Variants in NKAIN3 observed in about 807,000 individuals in gnomAD.
NKAIN3 encodes sodium/potassium transporting ATPase interacting 3.
NKAIN3 carries 25 observed loss-of-function variants against 30.2 expected under a neutral mutation model. The ratio of observed to expected loss-of-function variants is 0.83; its 90% CI spans 0.60 to 1.16. The LOEUF is 1.16. NKAIN3 is among the 50% of genes most tolerant of loss of function. The pLI, the probability that NKAIN3 is intolerant of heterozygous loss-of-function variation, is 0.00. For synonymous variants in NKAIN3, 91 were observed against 89.6 expected (o/e 1.02, Z -0.09); for missense variants, 225 against 254.1 (o/e 0.89, Z 0.78).
intron 4 of NKAIN3, among the ~76,000 whole-genome samples, chr8:62,797,671 A>T (rs906149391): frequency 1.3e-5 from 2 of 152,176 alleles, no homozygotes; most frequent in African/African-American, 4.8e-5. Context: ...TGTCTAAACA[A>T]GGTAAAAACA....
At chr8:62,550,349 A>G (rs1273796549) in intron 1 of NKAIN3, among the ~76,000 whole-genome samples, 1 of 152,038 alleles carries the variant, frequency 6.6e-6, no homozygotes, top group Non-Finnish European at 1.5e-5. Context: ...GAGACTTATC[A>G]CCCTTACTAG....
intron 1 of NKAIN3, among the ~76,000 whole-genome samples, chr8:62,340,535 A>G (rs1234612403): frequency 6.6e-6 from 1 of 152,048 alleles, no homozygotes; most frequent in Non-Finnish European, 1.5e-5. Context: ...AGGCCCTGCC[A>G]ATCCCTTTCA....
At position 62,971,819 on chromosome 8, in the gene NKAIN3, T is replaced by C. The variant is rs1004796606; in HGVS notation, c.*6412T>C. Among the ~76,000 whole-genome samples, 1 of 152,208 alleles carries C rather than the reference T, an allele frequency of 6.6e-6. No homozygotes were observed. Among genetic ancestry groups the C allele is most frequent in the African/African-American group, 2.4e-5 (1 of 41,450 alleles). On this transcript the variant is annotated 3_prime_UTR_variant, in exon 7 of 7. Coordinates refer to ENST00000623646, the MANE Select transcript of NKAIN3 (RefSeq NM_001304533.3). ...ATATATTCTTCAGTACTGTGAGAGA[T>C]TTAATCATCAAGTATGTGAAATGAG...
At chr8:62,756,030 G>T (rs913940603) in intron 4 of NKAIN3, among the ~76,000 whole-genome samples, 1 of 152,116 alleles carries the variant, frequency 6.6e-6, no homozygotes, top group Non-Finnish European at 1.5e-5. Flanking sequence ...CTTTGTATTT[G>T]TGTCTATGCA....
chr8:62,640,541 A>G (rs1025957389), intron 3 of NKAIN3, among the ~76,000 whole-genome samples: 6 of 152,108 alleles, frequency 3.9e-5, no homozygotes, highest in Non-Finnish European at 5.9e-5. Flanking sequence ...GTATCTCATA[A>G]AGATTTGTGA....
In NKAIN3 at chr8:62,355,328, A is replaced by G. The variant is rs144108792; in HGVS notation, c.54+106201A>G. ...CTTTGAAATCTTCATAATAAGATTCATGAAGTCAAGACAGTTTATGCTGTT... is the reference window on the plus strand; with the variant it reads ...CTTTGAAATCTTCATAATAAGATTCGTGAAGTCAAGACAGTTTATGCTGTT... On this transcript the variant is annotated intron_variant, in intron 1 of 6. Transcript: ENST00000623646. Among the ~76,000 whole-genome samples, 159 of 152,332 alleles carry G rather than the reference A, an allele frequency of 1.0e-3. 1 individual carries two copies. Among genetic ancestry groups the G allele is most frequent in the African/African-American group, 3.8e-3 (156 of 41,584 alleles).
chr8:62,539,762 G>A (rs891513279), intron 1 of NKAIN3, among the ~76,000 whole-genome samples: 8 of 152,060 alleles, frequency 5.3e-5, no homozygotes, highest in African/African-American at 1.9e-4. Flanking sequence ...GCTAATTTTA[G>A]TAGAGACAAG....
At chr8:62,954,420 A>C (rs973373818) in intron 6 of NKAIN3, among the ~76,000 whole-genome samples, 1 of 152,130 alleles carries the variant, frequency 6.6e-6, no homozygotes, top group Non-Finnish European at 1.5e-5. Flanking sequence ...GGGGAAATAG[A>C]TTAAATTGGA....
chr8:62,831,303 C>CT (rs1158960025), intron 4 of NKAIN3, among the ~76,000 whole-genome samples: 6 of 152,158 alleles, frequency 3.9e-5, no homozygotes, highest in African/African-American at 1.4e-4. Context: ...ACGGAACCAG[C>CT]ACAAGAATTA....
At chr8:62,464,816 A>G (rs1325993158) in intron 1 of NKAIN3, among the ~76,000 whole-genome samples, 1 of 152,180 alleles carries the variant, frequency 6.6e-6, no homozygotes, top group Non-Finnish European at 1.5e-5. Context: ...TGTATCATTC[A>G]ATTATTTGCA....
chr8:62,267,781 C>A (rs371662771), intron 1 of NKAIN3, among the ~76,000 whole-genome samples: 2 of 152,282 alleles, frequency 1.3e-5, no homozygotes, highest in South Asian at 4.1e-4. Flanking sequence ...ACTTGTGCTA[C>A]TGAAAATATG....
intron 3 of NKAIN3, among the ~76,000 whole-genome samples, chr8:62,705,976 T>C (rs1036999063): frequency 1.3e-5 from 2 of 152,182 alleles, no homozygotes; most frequent in Admixed American, 6.5e-5. Flanking sequence ...ATTTAAAGCC[T>C]GATTGCTCCT....
chr8:62,863,890 A>T, intron 4 of NKAIN3: 1 of 1,396,034 alleles, frequency 7.2e-7, no homozygotes, highest in Non-Finnish European at 1.0e-6. Context: ...CCTCTTGCTC[A>T]TCATCTGATC....
intron 4 of NKAIN3, among the ~76,000 whole-genome samples, chr8:62,868,668 G>A (rs1820499246): frequency 6.6e-6 from 1 of 152,260 alleles, no homozygotes; most frequent in East Asian, 1.9e-4. Context: ...TTTGAACACC[G>A]TTACTCAGTT....
intron 5 of NKAIN3, 41 bp downstream of exon 5, chr8:62,918,554 T>A: frequency 7.4e-7 from 1 of 1,349,536 alleles, no homozygotes; most frequent in Non-Finnish European, 1.1e-6. Flanking sequence ...TCCTTTTGAA[T>A]GAGATACAGC....
At chr8:62,291,391 C>T (rs1388917762) in intron 1 of NKAIN3, among the ~76,000 whole-genome samples, 1 of 152,138 alleles carries the variant, frequency 6.6e-6, no homozygotes, top group Non-Finnish European at 1.5e-5. Context: ...ATAAATTTCC[C>T]TCTATAGACT....
intron 3 of NKAIN3, among the ~76,000 whole-genome samples, chr8:62,697,531 A>G (rs1258650937): frequency 6.6e-6 from 1 of 151,996 alleles, no homozygotes; most frequent in Non-Finnish European, 1.5e-5. Flanking sequence ...TTTACATAAT[A>G]TTTGTTACTT....
In NKAIN3 at chr8:62,719,537, C is replaced by T. The variant is rs1408424227; in HGVS notation, c.274-27395C>T. On this transcript the variant is annotated intron_variant, in intron 3 of 6. Transcript: ENST00000623646. ...CATAAAAAGCTTTGAAAAGTTCTGA[C>T]ATGATCTAGTCCTATAAATCATTGT... is the stretch of plus-strand genomic sequence containing the variant. 6.6e-5 allele frequency among the ~76,000 whole-genome samples: 10 copies of T among 152,276 alleles called. No homozygotes were observed. In the East Asian group the frequency reaches 1.6e-3, roughly 24 times the overall value.
intron 5 of NKAIN3, among the ~76,000 whole-genome samples, chr8:62,932,764 G>T (rs1429916332): frequency 6.6e-6 from 1 of 151,858 alleles, no homozygotes; most frequent in East Asian, 1.9e-4. Flanking sequence ...TTAGAGACAG[G>T]GTCTCTCTCT....
Sources: gnomAD v4.1 joint callset for allele counts (sites outside exome capture counted in the v4.1 genomes callset) on GRCh38, gnomAD v4.1.1 for gene constraint, MANE v1.5 for transcripts, NCBI Gene and HGNC (gene_info 2026-07-23, HGNC 2026-07-21) for gene names.